Variants in NRXN1 observed in about 807,000 individuals in gnomAD.
The protein encoded by NRXN1 is neurexin 1, also known as neurexin-1.
A neutral mutation model predicts 150.9 loss-of-function variants in NRXN1; 39 were observed. The observed-to-expected ratio is 0.26, with a 90% confidence interval of 0.20 to 0.34. The LOEUF (loss-of-function observed/expected upper bound fraction) is 0.34. Ranked by LOEUF, NRXN1 falls within the 10% of genes least tolerant of loss-of-function variation. NRXN1 has a pLI of 1.00. For missense variants in NRXN1, 1,815 were observed against 1,949.9 expected (o/e 0.93, Z 1.30); for synonymous variants, 924 against 757.0 (o/e 1.22, Z -3.62).
At chr2:50,790,776 A>T (rs370603097) in intron 5 of NRXN1, among the ~76,000 whole-genome samples, 45 of 152,248 alleles carry the variant, frequency 3.0e-4, no homozygotes, top group African/African-American at 9.9e-4. Context: ...AGCAGAAAAG[A>T]TATATCACAA....
rs114705623 is a variant in NRXN1 at position 50,684,527 on chromosome 2, A to T, written c.833-60912T>A. ...AAAAAATGGAAAATACAATAAATTT[A>T]AAAAATAAAATTTGAGAAAAATTGA... On this transcript the variant is annotated intron_variant, in intron 5 of 22. Transcript: ENST00000401669. Among the ~76,000 whole-genome samples the T allele has an allele frequency of 8.7e-3, 1,326 of 152,258 alleles. 19 individuals are homozygous for T. Among genetic ancestry groups the T allele is most frequent in the African/African-American group, 0.031 (1,267 of 41,534 alleles).
At chr2:50,067,905 T>C (rs1695601741) in intron 19 of NRXN1, among the ~76,000 whole-genome samples, 1 of 152,230 alleles carries the variant, frequency 6.6e-6, no homozygotes, top group Non-Finnish European at 1.5e-5. Flanking sequence ...TCTTGTTTTT[T>C]GAAAATTGGA....
At chr2:50,954,017 T>A (rs986502994) in intron 2 of NRXN1, among the ~76,000 whole-genome samples, 3 of 152,166 alleles carry the variant, frequency 2.0e-5, no homozygotes, top group Non-Finnish European at 4.4e-5. Context: ...AGGAACTCCT[T>A]AGCCCCCACC....
intron 15 of NRXN1, among the ~76,000 whole-genome samples, chr2:50,483,594 T>G (rs528164679): frequency 1.6e-3 from 243 of 152,284 alleles, no homozygotes; most frequent in African/African-American, 5.7e-3. Flanking sequence ...GGGTGGTTAT[T>G]ATTATCCCTA....
rs550237858 is a variant in NRXN1, at chr2:50,079,260, C to T, written c.3718+12063G>A. Among the ~76,000 whole-genome samples the T allele has an allele frequency of 1.1e-4, 17 of 152,046 alleles. 1 individual carries two copies. Among genetic ancestry groups the T allele is most frequent in the Middle Eastern group, 3.4e-3 (1 of 294 alleles). ...TTAGCTCTTACGCTCCTTTGTCATG[C>T]TTCTCTCTCAGGGGTCAATAAAGTA... is the stretch of plus-strand genomic sequence containing the variant. On this transcript the variant is annotated intron_variant, in intron 19 of 22. Coordinates refer to ENST00000401669, the MANE Select transcript of NRXN1 (RefSeq NM_001330078.2).
intron 5 of NRXN1, among the ~76,000 whole-genome samples, chr2:50,779,766 G>A (rs1367331870): frequency 7.9e-5 from 12 of 151,156 alleles, no homozygotes; most frequent in Non-Finnish European, 1.5e-4. Context: ...GGACTCCGTC[G>A]CAAAAATAAA....
chr2:50,528,121 A>C (rs1474511416), intron 12 of NRXN1, among the ~76,000 whole-genome samples: 2 of 152,178 alleles, frequency 1.3e-5, no homozygotes, highest in Non-Finnish European at 2.9e-5. Flanking sequence ...AGGATGTAAA[A>C]ATTCATCATA....
At chr2:50,712,758 G>A (rs1695341205) in intron 5 of NRXN1, among the ~76,000 whole-genome samples, 1 of 152,102 alleles carries the variant, frequency 6.6e-6, no homozygotes. Context: ...GCAGCTTTGT[G>A]TCCCTGTGTA....
chr2:50,828,376 C>T (rs893451894), intron 5 of NRXN1, among the ~76,000 whole-genome samples: 4 of 148,632 alleles, frequency 2.7e-5, no homozygotes, highest in African/African-American at 1.0e-4. Context: ...GGGCTGACCC[C>T]CACCTCCCTC....
intron 19 of NRXN1, among the ~76,000 whole-genome samples, chr2:50,064,434 T>TTTTGGGATCTTC (rs1380330904): frequency 3.1e-3 from 63 of 20,282 alleles, no homozygotes; most frequent in African/African-American, 0.011. Flanking sequence ...TGGGATCTTC[T>TTTTGGGATCTTC]TTTTTTTTTT....
chr2:50,221,979 T>G (rs1004886934), intron 18 of NRXN1, among the ~76,000 whole-genome samples: 1 of 152,028 alleles, frequency 6.6e-6, no homozygotes, highest in Non-Finnish European at 1.5e-5. Flanking sequence ...TTTAAAAGCC[T>G]GTCACGTTCC....
At chr2:50,324,586 G>C (rs527536557) in intron 17 of NRXN1, among the ~76,000 whole-genome samples, 1 of 152,200 alleles carries the variant, frequency 6.6e-6, no homozygotes, top group Non-Finnish European at 1.5e-5. Context: ...TCTGTCGCCA[G>C]GTTGAAGTGC....
intron 21 of NRXN1, among the ~76,000 whole-genome samples, chr2:49,991,274 A>G (rs1003254165): frequency 1.3e-5 from 2 of 152,148 alleles, no homozygotes; most frequent in African/African-American, 4.8e-5. Flanking sequence ...CAGATTCAGA[A>G]GGAAGAAATA....
chr2:50,619,721 C>T (rs145902654), intron 8 of NRXN1: 2 of 401,440 alleles, frequency 5.0e-6, no homozygotes, highest in East Asian at 3.6e-5. Flanking sequence ...AACCATTTAG[C>T]TCAACTTTAG....
chr2:50,204,647 G>T (rs879469296), intron 18 of NRXN1, among the ~76,000 whole-genome samples: 4 of 152,014 alleles, frequency 2.6e-5, no homozygotes, highest in Non-Finnish European at 4.4e-5. Context: ...TTGCCATTTG[G>T]TTGGGTGCTT....
chr2:50,521,431 T>C (rs190826566), intron 12 of NRXN1, among the ~76,000 whole-genome samples: 3 of 152,202 alleles, frequency 2.0e-5, no homozygotes, highest in Non-Finnish European at 4.4e-5. Flanking sequence ...TTTAAGTACA[T>C]TAAAAATAAA....
rs183332001 is a variant in NRXN1, at chr2:50,365,527, C to T, written c.3364+99915G>A. On this transcript the variant is annotated intron_variant, in intron 17 of 22. Coordinates refer to ENST00000401669, the MANE Select transcript of NRXN1 (RefSeq NM_001330078.2). ...TTTTCTATAGTGAATTACTTTTATG[C>T]CATATAATTAACAACAAAAAGTCTT... 2.1e-3 allele frequency among the ~76,000 whole-genome samples: 316 copies of T among 152,016 alleles called. 1 individual carries two copies. Among genetic ancestry groups the T allele is most frequent in the Middle Eastern group, 0.017 (5 of 292 alleles).
At chr2:50,034,048 T>C (rs569063892) in intron 21 of NRXN1, among the ~76,000 whole-genome samples, 1 of 147,178 alleles carries the variant, frequency 6.8e-6, no homozygotes, top group Non-Finnish European at 1.5e-5. Context: ...TTGGGGGGAG[T>C]GTAAATTAGT....
At chr2:50,299,072 G>A (rs1187128637) in intron 17 of NRXN1, among the ~76,000 whole-genome samples, 1 of 152,068 alleles carries the variant, frequency 6.6e-6, no homozygotes, top group African/African-American at 2.4e-5. Flanking sequence ...GCACTTTGGG[G>A]AATTGGGCTA....
Sources: allele counts gnomAD v4.1 joint callset (sites outside exome capture counted in the v4.1 genomes callset), GRCh38; gene constraint gnomAD v4.1.1; transcripts MANE v1.5; gene names NCBI Gene and HGNC (gene_info 2026-07-23, HGNC 2026-07-21).